The following CCDC61 variants were observed in gnomAD, a reference collection of about 807,000 sequenced individuals.
The protein encoded by CCDC61 is coiled-coil domain containing 61.
Under a neutral mutation model 63.0 loss-of-function variants are expected in CCDC61, and 55 were observed. The ratio of observed to expected loss-of-function variants is 0.87; its 90% confidence interval spans 0.70 to 1.09. The LOEUF (loss-of-function observed/expected upper bound fraction) is 1.09. CCDC61 is among the 50% of genes least tolerant of loss of function. CCDC61 has a pLI of 0.00. For synonymous variants in CCDC61, 270 were observed against 317.0 expected, an observed-to-expected ratio of 0.85 and a Z score of 1.58; for missense variants, 651 against 731.4, an observed-to-expected ratio of 0.89 and a Z score of 1.27.
At chr19:46,002,736 G>C (rs1316645126) in intron 1 of CCDC61, among the ~76,000 whole-genome samples, 2 of 152,078 alleles carry the variant, frequency 1.3e-5, no homozygotes, top group Non-Finnish European at 2.9e-5. Flanking sequence ...TGAATTTCTA[G>C]TATCCAGCAC....
At chr19:46,009,264 T>A (rs1025486969) in intron 5 of CCDC61, among the ~76,000 whole-genome samples, 1 of 152,118 alleles carries the variant, frequency 6.6e-6, no homozygotes, top group Non-Finnish European at 1.5e-5. Flanking sequence ...TTGGCATATA[T>A]ATTCATGCCT....
chr19:46,016,174 C>T lies in CCDC61; in HGVS notation c.966C>T (p.Arg322=). 1 of 1,305,422 alleles carries T rather than the reference C, an allele frequency of 7.7e-7. No homozygotes were observed. The highest frequency in any genetic ancestry group is 2.3e-5 in the South Asian group (1 of 42,998). 80.9% of individuals were successfully genotyped at this position (1,305,422 alleles called of 1,614,324 possible). A position where few individuals can be genotyped will look rare whatever the true frequency, so the allele number is the denominator to read the frequency against. ...AARSSSRESG[R]GSRGRGRPAR... ...GCTCCTCATCCCGGGAGAGCGGCCG[C>T]GGGAGCCGGGGTCGGGGCCGCCCTG... Residue 322 remains arginine (R), a synonymous_variant, in exon 8 of 14, where the codon CGC becomes CGT. Coordinates refer to ENST00000595358, the MANE Select transcript of CCDC61 (RefSeq NM_001267723.2). This position sits in a 1 kb window ranked among gnomAD's most constrained non-coding sequence, Gnocchi z 7.2.
In CCDC61 at chr19:46,015,361, C is replaced by A. The variant is rs1297868184; in HGVS notation, c.779C>A (p.Ala260Glu). The change falls in exon 7 of 14, where the codon GCA becomes GAA. Residue 260 changes from alanine (A) to glutamate (E), a missense_variant. Physicochemically the swap from Ala to Glu is moderately radical, Grantham distance 107. Coordinates refer to ENST00000595358, the MANE Select transcript of CCDC61 (RefSeq NM_001267723.2). The surrounding 1 kb of genome is among the most constrained non-coding windows in gnomAD (Gnocchi z 5.3). ...RLAKELEEAK[A>E]SERSLRARLK... ...TCCCGGCAGCTCGAGGAGGCGAAGG[C>A]ATCGGAGCGGAGCCTGCGCGCCCGG... 1 of 1,602,356 alleles carries A rather than the reference C, an allele frequency of 6.2e-7. No homozygotes were observed. Among genetic ancestry groups the A allele is most frequent in the African/African-American group, 1.3e-5 (1 of 74,962 alleles).
rs531674505 is a variant in CCDC61, at chr19:46,012,476, T to C, written c.552-2573T>C. Among the ~76,000 whole-genome samples, 8 of 152,114 alleles carry C rather than the reference T, an allele frequency of 5.3e-5. No individual in the cohort carries two copies. In the East Asian group the frequency reaches 1.4e-3, roughly 26 times the overall value. ...GCCTGGCCAACATGATGAAACCCTG[T>C]CTCTACTAAAAATACAAAAATTTAG... On this transcript the variant is annotated intron_variant, in intron 5 of 13. Coordinates refer to ENST00000595358, the MANE Select transcript of CCDC61 (RefSeq NM_001267723.2).
intron 1 of CCDC61, chr19:45,996,452 A>G (rs1429606027): frequency 7.6e-6 from 1 of 131,078 alleles, no homozygotes; most frequent in Non-Finnish European, 1.6e-5. Context: ...TTTTTGAGAC[A>G]GAGTTTCGCT....
At chr19:46,014,292 T>C (rs1968882864) in intron 5 of CCDC61, among the ~76,000 whole-genome samples, 1 of 152,296 alleles carries the variant, frequency 6.6e-6, no homozygotes, top group South Asian at 2.1e-4. Context: ...ATAATCCTTT[T>C]TTCCCCCATA....
rs200930017 is a variant in CCDC61 at position 46,018,311 on chromosome 19, C to T, written c.1463C>T (p.Ala488Val). 2,307 of 1,571,738 alleles carry T rather than the reference C, an allele frequency of 1.5e-3. 26 individuals carry two copies. Among genetic ancestry groups the T allele is most frequent in the South Asian group, 0.013 (1,120 of 85,456 alleles). ...ACAGAGTACAGCTCGGAGCACCAGG[C>T]GGCTGACATGGCCGAAATAGACGCA... ...PIKEYSSEHQ[A>V]ADMAEIDARL... The change falls in exon 14 of 14, where the codon GCG (alanine) becomes GTG (valine). Residue 488 changes from alanine (A) to valine (V), a missense_variant. Physicochemically the swap from Ala to Val is moderately conservative, Grantham distance 64. Transcript: ENST00000595358. The surrounding 1 kb of genome is among the most constrained non-coding windows in gnomAD (Gnocchi z 4.2).
chr19:45,999,795 C>T (rs956289175), intron 1 of CCDC61, among the ~76,000 whole-genome samples: 6 of 151,930 alleles, frequency 3.9e-5, no homozygotes, highest in African/African-American at 1.5e-4. Context: ...AGTGTGCCAG[C>T]GCCATGATGT....
At position 46,017,279 on chromosome 19, in the gene CCDC61, C is replaced by T; in HGVS notation, c.1343C>T (p.Pro448Leu). 6.4e-7 allele frequency: 1 copy of T among 1,566,394 alleles called. No homozygotes were observed. The highest frequency in any genetic ancestry group is 8.7e-7 in the Non-Finnish European group (1 of 1,155,026). Residue 448 changes from proline (P) to leucine (L), a missense_variant, in exon 12 of 14, where the codon CCA becomes CTA. Pro to Leu is a moderately conservative substitution (Grantham distance 98). Transcript: ENST00000595358. ...CGCCGCCGTGGGAAGCCTCCCAGCC[C>T]AACGCCCTGGAGTGGGTCCAATATG... ...GHRRRGKPPS[P>L]TPWSGSNMKS...
At chr19:46,008,401 G>T in intron 5 of CCDC61, 100 bp downstream of exon 5, 2 of 993,472 alleles carry the variant, frequency 2.0e-6, no homozygotes, top group South Asian at 1.5e-5. Flanking sequence ...ACTGTCCTTC[G>T]CCCACCACGT....
chr19:46,008,998 GT>G (rs1353122847), intron 5 of CCDC61, among the ~76,000 whole-genome samples: 2 of 152,150 alleles, frequency 1.3e-5, no homozygotes, highest in African/African-American at 4.8e-5. Flanking sequence ...CACTCACGTA[GT>G]GCCCAGCCCT....
rs189752985 is a variant in CCDC61, at chr19:46,005,136, G to A, written c.232-1423G>A. 3.0e-3 allele frequency among the ~76,000 whole-genome samples: 461 copies of A among 152,040 alleles called. 1 individual carries two copies. The highest frequency in any genetic ancestry group is 0.011 in the African/African-American group (436 of 41,436). ...AGCAATTCTCCTATTTCAGCCTCCCGAGTAGCTGGAATTACAGGCATGCGC... is the reference window on the plus strand; with the variant it reads ...AGCAATTCTCCTATTTCAGCCTCCCAAGTAGCTGGAATTACAGGCATGCGC... On this transcript the variant is annotated intron_variant, in intron 3 of 13. Coordinates refer to ENST00000595358, the MANE Select transcript of CCDC61 (RefSeq NM_001267723.2).
chr19:46,013,740 G>A lies in CCDC61; in HGVS notation c.552-1309G>A, dbSNP rs528051858. 6.6e-5 allele frequency among the ~76,000 whole-genome samples: 10 copies of A among 151,862 alleles called. 1 individual carries two copies. Among genetic ancestry groups the A allele is most frequent in the African/African-American group, 9.7e-5 (4 of 41,418 alleles). ...AAATTAGCCAGGGTTGGTGGTGGGC[G>A]CCTGTAATCCTAGCTACTTGGGGGC... On this transcript the variant is annotated intron_variant, in intron 5 of 13. Transcript: ENST00000595358.
chr19:46,003,499 C>A lies in CCDC61; in HGVS notation c.229C>A (p.Gln77Lys). The change falls in exon 3 of 14, where the codon CAG (glutamine) becomes AAG (lysine). Residue 77 changes from glutamine (Q) to lysine (K), a missense_variant and splice_region_variant. Coordinates refer to ENST00000595358, the MANE Select transcript of CCDC61 (RefSeq NM_001267723.2). ...FCHMLESALTQSSESVTLDLL... is the reference protein window; with the variant it reads ...FCHMLESALTKSSESVTLDLL... ...TCATATGCTGGAGTCAGCCCTCACT[C>A]AGGTAGGGCCCGGGTTGGCGGGTTG... 1 of 1,603,470 alleles carries A rather than the reference C, an allele frequency of 6.2e-7. No homozygotes were observed. Among genetic ancestry groups the A allele is most frequent in the African/African-American group, 1.3e-5 (1 of 74,444 alleles).
chr19:46,018,132 G>C lies in CCDC61; in HGVS notation c.1423G>C (p.Gly475Arg). 3.7e-6 allele frequency: 6 copies of C among 1,608,610 alleles called. No homozygotes were observed. The highest frequency in any genetic ancestry group is 5.1e-6 in the Non-Finnish European group (6 of 1,177,778). The change falls in exon 13 of 14, where the codon GGC becomes CGC. Residue 475 changes from glycine (G) to arginine (R), a missense_variant. Coordinates refer to ENST00000595358, the MANE Select transcript of CCDC61 (RefSeq NM_001267723.2). This position sits in a 1 kb window ranked among gnomAD's most constrained non-coding sequence, Gnocchi z 4.2. ...HHQKSLANSGGWVPIKEYSSE... is the reference protein window; with the variant it reads ...HHQKSLANSGRWVPIKEYSSE... Reference sequence around the variant, plus strand: ...TCAGAAATCTCTGGCCAACTCCGGGGGCTGGGTCCCCATCAAAGGTGAGCC... The same window carrying C: ...TCAGAAATCTCTGGCCAACTCCGGGCGCTGGGTCCCCATCAAAGGTGAGCC...
At chr19:45,999,152 C>A (rs190957891) in intron 1 of CCDC61, among the ~76,000 whole-genome samples, 1 of 152,268 alleles carries the variant, frequency 6.6e-6, no homozygotes, top group Admixed American at 6.5e-5. Context: ...TTATCTAAGG[C>A]AAAAGTTTGC....
chr19:46,012,884 C>T lies in CCDC61; in HGVS notation c.552-2165C>T, dbSNP rs188478080. Among the ~76,000 whole-genome samples the T allele has an allele frequency of 1.7e-3, 258 of 150,378 alleles. 4 individuals are homozygous for T. The highest frequency in any genetic ancestry group is 5.7e-3 in the African/African-American group (233 of 40,736). ...TTTTTTTTTAAGAGACAGAGTCTTG[C>T]CCTGTCACCCAGGCTAGAGTGCAGT... is the stretch of plus-strand genomic sequence containing the variant. On this transcript the variant is annotated intron_variant, in intron 5 of 13. Coordinates refer to ENST00000595358, the MANE Select transcript of CCDC61 (RefSeq NM_001267723.2).
At chr19:45,995,530 G>C (rs779122706) in intron 1 of CCDC61, 26 bp downstream of exon 1, 1 of 508,032 alleles carries the variant, frequency 2.0e-6, no homozygotes, top group South Asian at 1.5e-5. Flanking sequence ...AGTGGCGGTT[G>C]CGCGGGCCGT....
At chr19:46,009,352 G>A (rs550360812) in intron 5 of CCDC61, among the ~76,000 whole-genome samples, 1 of 152,206 alleles carries the variant, frequency 6.6e-6, no homozygotes, top group African/African-American at 2.4e-5. Context: ...CGTTGGGGAG[G>A]ACTAATAATA....
Sources: allele counts gnomAD v4.1 joint callset (sites outside exome capture counted in the v4.1 genomes callset), GRCh38; gene constraint gnomAD v4.1.1; non-coding constraint Gnocchi (gnomAD v3.1); transcripts MANE v1.5; gene names NCBI Gene and HGNC (gene_info 2026-07-23, HGNC 2026-07-21).